Variants in SAMD4B observed in about 807,000 individuals in gnomAD.
SAMD4B encodes the protein sterile alpha motif domain containing 4B.
Under a neutral mutation model 74.5 loss-of-function variants are expected in SAMD4B, and 5 were observed. The observed-to-expected ratio is 0.07, with a 90% CI of 0.04 to 0.14. SAMD4B has a LOEUF of 0.14. Ranked by LOEUF, SAMD4B falls within the 10% of genes least tolerant of loss-of-function variation. The pLI is 1.00. For synonymous variants in SAMD4B, 373 were observed against 374.9 expected, an observed-to-expected ratio of 1.00 and a Z score of 0.06; for missense variants, 608 against 921.8, an observed-to-expected ratio of 0.66 and a Z score of 4.41.
chr19:39,389,579 G>A (rs747894341), downstream of SAMD4B: 1 of 1,614,114 alleles, frequency 6.2e-7, no homozygotes, highest in Non-Finnish European at 8.5e-7. The surrounding 1 kb of genome is among the most constrained non-coding windows in gnomAD (Gnocchi z 5.3). Flanking sequence ...AGGACCATGA[G>A]GGAGGCCCAG....
At chr19:39,351,618 C>T (rs2145295892) in intron 1 of SAMD4B, 1 of 152,234 alleles carries the variant, frequency 6.6e-6, no homozygotes, top group East Asian at 1.9e-4. Flanking sequence ...AAGGGGGAGG[C>T]TTCAGGCTAG....
Position 39,366,547 on chromosome 19 carries a change from C to T in SAMD4B, c.197-3108C>T, listed in dbSNP as rs184730043. On this transcript the variant is annotated intron_variant, in intron 3 of 13. Transcript: ENST00000610417. ...AAGAGCCCCAGGCCAAGAAAATGCA[C>T]AGTCTTTATAGCCAGGAGTTAGGAA... Among the ~76,000 whole-genome samples the T allele has an allele frequency of 1.7e-4, 26 of 152,304 alleles. No individual in the cohort carries two copies. The East Asian group carries it at 4.8e-3, about 28-fold the overall frequency.
At chr19:39,368,829 T>C (rs1476297145) in intron 3 of SAMD4B, among the ~76,000 whole-genome samples, 3 of 152,188 alleles carry the variant, frequency 2.0e-5, no homozygotes, top group Admixed American at 6.5e-5. Flanking sequence ...ATTTCGCAGA[T>C]AATTTAGTGC....
intron 3 of SAMD4B, among the ~76,000 whole-genome samples, chr19:39,361,215 G>A (rs1600540026): frequency 6.6e-6 from 1 of 152,106 alleles, no homozygotes; most frequent in East Asian, 1.9e-4. Flanking sequence ...AATATTTAGC[G>A]GGATGGACCA....
intron 7 of SAMD4B, 99 bp from the exon 8 acceptor site, chr19:39,377,386 C>A: frequency 9.4e-7 from 1 of 1,059,662 alleles, no homozygotes; most frequent in Non-Finnish European, 1.4e-6. Context: ...CAGGGTCCTA[C>A]CCAGCCTTCT....
In SAMD4B at chr19:39,370,064, C is replaced by T. The variant is rs1335851440; in HGVS notation, c.606C>T (p.Pro202=). ...CACCCCGGGAAAATGGACACGTGCCCTTCCACCCATCCAGCTCAGTGCCGC... is the reference window on the plus strand; with the variant it reads ...CACCCCGGGAAAATGGACACGTGCCTTTCCACCCATCCAGCTCAGTGCCGC... ...DKPPRENGHV[P]FHPSSSVPPA... is the part of the protein sequence containing the mutation. The change falls in exon 4 of 14, where the codon CCC becomes CCT. Residue 202 remains proline (P), a synonymous_variant. Coordinates refer to ENST00000610417, the MANE Select transcript of SAMD4B (RefSeq NM_001384574.2). 7 of 1,611,560 alleles carry T rather than the reference C, an allele frequency of 4.3e-6. No homozygotes were observed. The highest frequency in any genetic ancestry group is 5.9e-6 in the Non-Finnish European group (7 of 1,178,872).
intron 12 of SAMD4B, among the ~76,000 whole-genome samples, chr19:39,382,760 A>T (rs545979955): frequency 1.2e-3 from 178 of 152,234 alleles, no homozygotes; most frequent in Non-Finnish European, 2.2e-3. Context: ...CCTGGATTGA[A>T]TCCTGCCCAG....
At chr19:39,363,894 T>A (rs1471276129) in intron 3 of SAMD4B, among the ~76,000 whole-genome samples, 2 of 152,236 alleles carry the variant, frequency 1.3e-5, no homozygotes, top group African/African-American at 4.8e-5. Flanking sequence ...CCAGGCTTTT[T>A]CTGATCTGGG....
intron 2 of SAMD4B, among the ~76,000 whole-genome samples, chr19:39,356,175 T>C (rs1487273245): frequency 6.6e-6 from 1 of 152,142 alleles, no homozygotes; most frequent in Non-Finnish European, 1.5e-5. Flanking sequence ...CTACCCAGCA[T>C]TGTGGGTCTA....
chr19:39,380,147 T>C, intron 10 of SAMD4B, 63 bp downstream of exon 10: 1 of 1,257,690 alleles, frequency 8.0e-7, no homozygotes, highest in Non-Finnish European at 1.1e-6. Flanking sequence ...TAGCAGATCG[T>C]GCTTAGAGGG....
At chr19:39,345,851 C>CCTCCT (rs2075666453) in intron 1 of SAMD4B, among the ~76,000 whole-genome samples, 1 of 152,168 alleles carries the variant, frequency 6.6e-6, no homozygotes, top group Non-Finnish European at 1.5e-5. Context: ...TTCCCTGCCC[C>CCTCCT]CTCCTCTCCT....
chr19:39,389,039 G>A (rs1257683647), downstream of SAMD4B: 2 of 1,613,714 alleles, frequency 1.2e-6, no homozygotes, highest in Admixed American at 3.3e-5. The surrounding 1 kb of genome is among the most constrained non-coding windows in gnomAD (Gnocchi z 5.3). Context: ...AACAAGGTGA[G>A]GAGGAGCTCT....
downstream of SAMD4B, chr19:39,386,709 C>T: frequency 1.2e-6 from 2 of 1,613,568 alleles, no homozygotes; most frequent in Non-Finnish European, 1.7e-6. This position sits in a 1 kb window ranked among gnomAD's most constrained non-coding sequence, Gnocchi z 6.1. Context: ...CTTCCAGTTC[C>T]TTCTCATTCA....
chr19:39,371,126 C>G (rs2077267788), intron 4 of SAMD4B, among the ~76,000 whole-genome samples: 1 of 152,196 alleles, frequency 6.6e-6, no homozygotes, highest in African/African-American at 2.4e-5. Flanking sequence ...GGCAGCATGA[C>G]CTGACCCAGG....
intron 3 of SAMD4B, among the ~76,000 whole-genome samples, chr19:39,359,462 T>C (rs685125): frequency 0.28 from 43,038 of 152,208 alleles, 11,745 homozygotes; most frequent in African/African-American, 0.72. Context: ...CATATATATT[T>C]TCCTTCCAAC....
intron 1 of SAMD4B, among the ~76,000 whole-genome samples, chr19:39,344,522 T>C (rs2075570525): frequency 6.6e-6 from 1 of 152,126 alleles, no homozygotes; most frequent in African/African-American, 2.4e-5. Context: ...CTCAGAACTT[T>C]CCCTCAGATT....
At chr19:39,366,704 A>G (rs535593588) in intron 3 of SAMD4B, among the ~76,000 whole-genome samples, 1 of 152,310 alleles carries the variant, frequency 6.6e-6, no homozygotes, top group East Asian at 1.9e-4. Flanking sequence ...CTGAGTTTGT[A>G]TGCAAGGCCA....
chr19:39,361,578 T>C (rs937858850), intron 3 of SAMD4B, among the ~76,000 whole-genome samples: 20 of 144,348 alleles, frequency 1.4e-4, no homozygotes. Flanking sequence ...ATTGCGCCAC[T>C]GTACTCCAGC....
chr19:39,388,371 A>G (rs762385089), downstream of SAMD4B: 11 of 1,613,918 alleles, frequency 6.8e-6, no homozygotes, highest in African/African-American at 1.3e-5. Flanking sequence ...AAACCCCGTC[A>G]CCCTCTCGGA....
Sources: allele counts gnomAD v4.1 joint callset (sites outside exome capture counted in the v4.1 genomes callset), GRCh38; gene constraint gnomAD v4.1.1; non-coding constraint Gnocchi (gnomAD v3.1); transcripts MANE v1.5; gene names NCBI Gene and HGNC (gene_info 2026-07-23, HGNC 2026-07-21).